The following WDR70 variants were observed in gnomAD, a reference collection of about 807,000 sequenced individuals.
WDR70 encodes the protein WD repeat-containing protein 70.
WDR70 carries 53 observed loss-of-function variants against 88.6 expected under a neutral mutation model. The observed-to-expected ratio is 0.60, with a 90% CI of 0.48 to 0.75. The LOEUF is 0.75. WDR70 is among the 30% of genes least tolerant of loss of function. The probability of loss-of-function intolerance (pLI) is 0.00; values close to 1 mark genes in which losing one functional copy is unlikely to be tolerated. For synonymous variants in WDR70, 280 were observed against 270.0 expected (o/e 1.04, Z -0.36); for missense variants, 610 against 823.2 (o/e 0.74, Z 3.17).
chr5:37,493,499 C>T (rs1275334658), intron 8 of WDR70, among the ~76,000 whole-genome samples: 2 of 152,152 alleles, frequency 1.3e-5, no homozygotes, highest in African/African-American at 2.4e-5. Flanking sequence ...TTGTATTGTG[C>T]CAGCAACCAG....
intron 10 of WDR70, among the ~76,000 whole-genome samples, chr5:37,692,384 T>C (rs1746825050): frequency 6.6e-6 from 1 of 152,154 alleles, no homozygotes; most frequent in Admixed American, 6.5e-5. Flanking sequence ...AGCATCATCC[T>C]AATACCAAAG....
In WDR70 at chr5:37,588,940, T is replaced by A. The variant is rs552084527; in HGVS notation, c.918-16124T>A. Reference sequence around the variant, plus strand: ...CCACCATGTTCGGCTAATTTTTGTATTTTTAGTGGAGACGGGGTTTCACCA... The same window carrying A: ...CCACCATGTTCGGCTAATTTTTGTAATTTTAGTGGAGACGGGGTTTCACCA... On this transcript the variant is annotated intron_variant, in intron 9 of 17. Coordinates refer to ENST00000265107, the MANE Select transcript of WDR70 (RefSeq NM_018034.4). Among the ~76,000 whole-genome samples, 40 of 152,076 alleles carry A rather than the reference T, an allele frequency of 2.6e-4. No individual in the cohort carries two copies. In the South Asian group the frequency reaches 8.3e-3, roughly 32 times the overall value.
chr5:37,667,796 G>A (rs547242240), intron 10 of WDR70, among the ~76,000 whole-genome samples: 1 of 129,316 alleles, frequency 7.7e-6, no homozygotes, highest in African/African-American at 3.0e-5. Context: ...TGTTTCTCCA[G>A]TGAGGTCCAG....
At chr5:37,397,989 C>G (rs1475626176) in intron 5 of WDR70, among the ~76,000 whole-genome samples, 2 of 107,030 alleles carry the variant, frequency 1.9e-5, no homozygotes, top group South Asian at 3.2e-4. Context: ...GATTCGGTCT[C>G]AGAAAAAAAA....
At chr5:37,651,371 G>C (rs1296565616) in intron 10 of WDR70, among the ~76,000 whole-genome samples, 1 of 152,140 alleles carries the variant, frequency 6.6e-6, no homozygotes, top group Non-Finnish European at 1.5e-5. Flanking sequence ...TCATTGATGG[G>C]CATTTGGGCT....
intron 8 of WDR70, among the ~76,000 whole-genome samples, chr5:37,516,286 G>A (rs1250200264): frequency 5.9e-5 from 9 of 152,116 alleles, no homozygotes; most frequent in African/African-American, 2.2e-4. Flanking sequence ...CAAGCACTGA[G>A]TTAATTCCTG....
intron 10 of WDR70, among the ~76,000 whole-genome samples, chr5:37,680,057 G>A (rs1472032053): frequency 2.6e-5 from 4 of 152,074 alleles, no homozygotes; most frequent in Admixed American, 6.5e-5. Flanking sequence ...TGCCAGCATC[G>A]GCTGTTTTTT....
intron 13 of WDR70, among the ~76,000 whole-genome samples, chr5:37,707,910 T>G: frequency 1.9e-5 from 1 of 53,712 alleles, no homozygotes; most frequent in African/African-American, 5.6e-5. Context: ...TGAGACTCTG[T>G]CTCAAAAAAA....
chr5:37,433,473 G>T (rs1277801760), intron 5 of WDR70, among the ~76,000 whole-genome samples: 1 of 152,184 alleles, frequency 6.6e-6, no homozygotes, highest in Non-Finnish European at 1.5e-5. Context: ...TATGTATACA[G>T]TTGGCCCTTT....
intron 10 of WDR70, among the ~76,000 whole-genome samples, chr5:37,623,362 C>T (rs1744569133): frequency 6.6e-6 from 1 of 151,994 alleles, no homozygotes; most frequent in Non-Finnish European, 1.5e-5. Context: ...TCATTATTAT[C>T]CTCAAACATA....
intron 9 of WDR70, among the ~76,000 whole-genome samples, chr5:37,584,858 CTT>C (rs1174604730): frequency 6.6e-6 from 1 of 151,592 alleles, no homozygotes; most frequent in African/African-American, 2.4e-5. Context: ...ACCATAATCT[CTT>C]TCCTCTGTTC....
intron 8 of WDR70, among the ~76,000 whole-genome samples, chr5:37,488,615 T>A (rs978189494): frequency 6.6e-6 from 1 of 152,012 alleles, no homozygotes; most frequent in Non-Finnish European, 1.5e-5. Flanking sequence ...GTATTTTTTA[T>A]TTCGTTTATT....
chr5:37,473,707 A>T (rs1315584816), intron 7 of WDR70, among the ~76,000 whole-genome samples: 1 of 152,070 alleles, frequency 6.6e-6, no homozygotes, highest in African/African-American at 2.4e-5. Context: ...TTCTTCCTTT[A>T]TGCTGGATTT....
chr5:37,730,883 C>G (rs770631622), intron 17 of WDR70, among the ~76,000 whole-genome samples: 1 of 152,148 alleles, frequency 6.6e-6, no homozygotes, highest in Non-Finnish European at 1.5e-5. Context: ...AATAAAAACA[C>G]ATCATCTTAG....
rs552463004 is a variant in WDR70 at position 37,730,417 on chromosome 5, A to G, written c.1877+3372A>G. Among the ~76,000 whole-genome samples, 18 of 149,124 alleles carry G rather than the reference A, an allele frequency of 1.2e-4. No homozygotes were observed. The South Asian group carries it at 3.9e-3, about 32-fold the overall frequency. ...TAAAGATTTGTATATATTTTGGTGT[A>G]TAACTTGATATAAATTAAGTCATAT... On this transcript the variant is annotated intron_variant, in intron 17 of 17. Transcript: ENST00000265107.
chr5:37,694,955 A>G (rs1746938431), intron 10 of WDR70, among the ~76,000 whole-genome samples: 1 of 152,104 alleles, frequency 6.6e-6, no homozygotes, highest in Non-Finnish European at 1.5e-5. Context: ...TTAACATGGT[A>G]TATTGGTCTG....
intron 10 of WDR70, among the ~76,000 whole-genome samples, chr5:37,690,362 C>T (rs573142319): frequency 1.3e-5 from 2 of 152,276 alleles, no homozygotes; most frequent in East Asian, 3.9e-4. Context: ...CAGAGAACAT[C>T]ACAAAGATAC....
chr5:37,405,206 T>A (rs1232170261), intron 5 of WDR70, among the ~76,000 whole-genome samples: 1 of 152,144 alleles, frequency 6.6e-6, no homozygotes. Context: ...TAATAAGGGT[T>A]TTTAGTAGCA....
At chr5:37,487,516 C>T (rs967666367) in intron 8 of WDR70, among the ~76,000 whole-genome samples, 4 of 148,806 alleles carry the variant, frequency 2.7e-5, no homozygotes, top group Non-Finnish European at 4.4e-5. Flanking sequence ...TGTAAGCAGG[C>T]CCTCCTAATT....
Sources: gnomAD v4.1 joint callset for allele counts (sites outside exome capture counted in the v4.1 genomes callset) on GRCh38, gnomAD v4.1.1 for gene constraint, MANE v1.5 for transcripts, NCBI Gene and HGNC (gene_info 2026-07-23, HGNC 2026-07-21) for gene names.